Variants in NDFIP2 observed in about 807,000 individuals in gnomAD.
NDFIP2 encodes the protein Nedd4 family interacting protein 2.
NDFIP2 carries 19 observed loss-of-function variants against 36.0 expected under a neutral mutation model. That is an observed-to-expected ratio of 0.53 (90% confidence interval 0.37 to 0.77). The LOEUF (loss-of-function observed/expected upper bound fraction) is 0.77, where lower values mean the gene tolerates loss of function less well. Among genes scored for constraint, NDFIP2 ranks in the 30% least tolerant of loss-of-function variants. NDFIP2 has a pLI of 0.00. For missense variants in NDFIP2, 446 were observed against 435.8 expected, an observed-to-expected ratio of 1.02 and a Z score of -0.21; for synonymous variants, 181 against 167.7, an observed-to-expected ratio of 1.08 and a Z score of -0.61.
chr13:79,523,357 A>T (rs949721247), intron 2 of NDFIP2, among the ~76,000 whole-genome samples: 2 of 152,090 alleles, frequency 1.3e-5, no homozygotes. Context: ...AGTAGCTGGG[A>T]TTACAGGCAT....
At chr13:79,534,813 C>G (rs1448090807) in intron 3 of NDFIP2, among the ~76,000 whole-genome samples, 1 of 152,184 alleles carries the variant, frequency 6.6e-6, no homozygotes, top group Non-Finnish European at 1.5e-5. Context: ...AGCAGATCCT[C>G]TGAGAGAAGA....
At chr13:79,539,034 G>GA (rs747302730) in intron 3 of NDFIP2, among the ~76,000 whole-genome samples, 7 of 151,508 alleles carry the variant, frequency 4.6e-5, no homozygotes, top group Non-Finnish European at 1.5e-5. Context: ...AGCTTTTCCA[G>GA]AAAAAAGGCC....
intron 3 of NDFIP2, among the ~76,000 whole-genome samples, chr13:79,539,238 A>G (rs924517920): frequency 1.3e-5 from 2 of 152,202 alleles, no homozygotes; most frequent in African/African-American, 4.8e-5. Context: ...ACATATATAT[A>G]TATGTGCAGT....
chr13:79,498,506 G>A (rs892318572), intron 1 of NDFIP2, among the ~76,000 whole-genome samples: 3 of 151,978 alleles, frequency 2.0e-5, no homozygotes, highest in Non-Finnish European at 4.4e-5. Context: ...CACAGATTGT[G>A]TAGTTTATAA....
intron 2 of NDFIP2, 92 bp from the exon 3 acceptor site, chr13:79,533,231 T>C: frequency 8.9e-7 from 1 of 1,125,174 alleles, no homozygotes; most frequent in Non-Finnish European, 1.3e-6. Flanking sequence ...AGTAGTCCTG[T>C]ATTGGTGGCC....
At chr13:79,504,571 C>A (rs1341120934) in intron 1 of NDFIP2, among the ~76,000 whole-genome samples, 1 of 152,008 alleles carries the variant, frequency 6.6e-6, no homozygotes. Context: ...AAATTGAGAT[C>A]TGATCTGTGA....
intron 1 of NDFIP2, among the ~76,000 whole-genome samples, chr13:79,490,492 G>C (rs896166265): frequency 1.5e-4 from 23 of 152,118 alleles, no homozygotes; most frequent in African/African-American, 5.3e-4. Context: ...AACCCTTTCT[G>C]TAAAGGGCTA....
chr13:79,524,172 A>G (rs1242371315), intron 2 of NDFIP2, among the ~76,000 whole-genome samples: 1 of 151,998 alleles, frequency 6.6e-6, no homozygotes, highest in East Asian at 1.9e-4. Flanking sequence ...CCATATCCTC[A>G]TTATTAACAC....
chr13:79,523,946 A>G (rs927242675), intron 2 of NDFIP2, among the ~76,000 whole-genome samples: 1 of 152,148 alleles, frequency 6.6e-6, no homozygotes, highest in Non-Finnish European at 1.5e-5. Flanking sequence ...CTTTTTTATT[A>G]ACTCATTGAA....
chr13:79,541,556 A>AT (rs1032516532), intron 4 of NDFIP2, among the ~76,000 whole-genome samples: 30 of 150,774 alleles, frequency 2.0e-4, no homozygotes, highest in Non-Finnish European at 2.8e-4. Context: ...GTATTTCCTG[A>AT]TTTTTTTTTC....
intron 5 of NDFIP2, among the ~76,000 whole-genome samples, chr13:79,546,533 G>T (rs1342702608): frequency 6.6e-6 from 1 of 151,966 alleles, no homozygotes; most frequent in African/African-American, 2.4e-5. Flanking sequence ...CAACATGATT[G>T]GTTTACTTAT....
At chr13:79,509,492 TA>T (rs1211722827) in intron 1 of NDFIP2, among the ~76,000 whole-genome samples, 1 of 152,118 alleles carries the variant, frequency 6.6e-6, no homozygotes, top group Admixed American at 6.5e-5. Context: ...TTATCAGACC[TA>T]CAGAGTCTGT....
chr13:79,486,357 C>G (rs760644986), intron 1 of NDFIP2, among the ~76,000 whole-genome samples: 30 of 152,288 alleles, frequency 2.0e-4, no homozygotes, highest in Admixed American at 1.2e-3. Flanking sequence ...AACCTCCATA[C>G]AAATTGTGGG....
intron 3 of NDFIP2, 134 bp downstream of exon 3, chr13:79,533,590 C>A: frequency 1.6e-6 from 1 of 636,236 alleles, no homozygotes; most frequent in Non-Finnish European, 2.5e-6. Flanking sequence ...GTTTAAACTG[C>A]ACAGGTCTAC....
chr13:79,549,746 G>C (rs759401687), intron 6 of NDFIP2, among the ~76,000 whole-genome samples: 1 of 151,454 alleles, frequency 6.6e-6, no homozygotes, highest in Non-Finnish European at 1.5e-5. Flanking sequence ...CAAATAAGTT[G>C]GTTTACATTT....
chr13:79,547,281 C>T (rs17071592), intron 5 of NDFIP2, among the ~76,000 whole-genome samples: 6,771 of 151,730 alleles, frequency 0.045, 526 homozygotes, highest in African/African-American at 0.16. Flanking sequence ...TAGAAATTAC[C>T]AACAAATAAT....
In NDFIP2 at chr13:79,553,323, A is replaced by T. The variant is rs700396; in HGVS notation, c.*810A>T. On this transcript the variant is annotated 3_prime_UTR_variant, in exon 8 of 8. Transcript: ENST00000218652. The stretch of plus-strand genomic sequence containing the variant: ...GTCCTTTATAAGAAAAATAAATTTT[A>T]TTTTAAGGGACATACTAGTTTTAGG... 6.6e-6 allele frequency: 1 copy of T among 150,860 alleles called. No individual in the cohort carries two copies. Among genetic ancestry groups the T allele is most frequent in the Non-Finnish European group, 1.5e-5 (1 of 67,234 alleles). The allele number at this position is 150,860 out of a possible 1,614,324, so 9.3% of individuals were successfully genotyped here.
intron 2 of NDFIP2, 53 bp downstream of exon 2, chr13:79,521,028 T>A: frequency 6.8e-7 from 1 of 1,471,416 alleles, no homozygotes. Context: ...TTTGACATTT[T>A]GGTTTTGTGT....
At chr13:79,541,478 T>C (rs1030636647) in intron 4 of NDFIP2, among the ~76,000 whole-genome samples, 28 of 151,792 alleles carry the variant, frequency 1.8e-4, no homozygotes, top group African/African-American at 3.4e-4. Flanking sequence ...CCACAACTTA[T>C]ATATTTAATG....
Sources: gnomAD v4.1 joint callset for allele counts (sites outside exome capture counted in the v4.1 genomes callset) on GRCh38, gnomAD v4.1.1 for gene constraint, MANE v1.5 for transcripts, NCBI Gene and HGNC (gene_info 2026-07-23, HGNC 2026-07-21) for gene names.